ZBTB33: variants seen among roughly 807,000 people sequenced by gnomAD.
The protein encoded by ZBTB33 is transcriptional regulator Kaiso.
ZBTB33 carries 11 observed loss-of-function variants against 25.9 expected under a neutral mutation model. That is an observed-to-expected ratio of 0.42 (90% CI 0.27 to 0.70). ZBTB33 has a LOEUF of 0.70. ZBTB33 is among the 30% of genes least tolerant of loss of function. ZBTB33 has a pLI of 0.23. For missense variants in ZBTB33, 343 were observed against 501.1 expected (o/e 0.68, Z 3.01); for synonymous variants, 157 against 184.8 (o/e 0.85, Z 1.22).
Position 120,256,277 on chromosome X carries a change from A to G in ZBTB33, c.*843A>G, listed in dbSNP as rs1556015422. 1 of 123,340 alleles carries G rather than the reference A, an allele frequency of 8.1e-6. No homozygotes were observed. The highest frequency in any genetic ancestry group is 2.8e-4 in the East Asian group (1 of 3,622). 10.2% of individuals were successfully genotyped at this position (123,340 alleles called of 1,213,427 possible). ...GCTTCTTAAGGTTAAAAATATTCCCATGAACATGAAAATTTTCAAATTTTG... is the reference window on the plus strand; with the variant it reads ...GCTTCTTAAGGTTAAAAATATTCCCGTGAACATGAAAATTTTCAAATTTTG... On this transcript the variant is annotated 3_prime_UTR_variant, in exon 3 of 3. Coordinates refer to ENST00000557385, the MANE Select transcript of ZBTB33 (RefSeq NM_001184742.2).
In ZBTB33 at chrX:120,253,848, A is replaced by G; in HGVS notation, c.433A>G (p.Lys145Glu). 1.7e-6 allele frequency: 2 copies of G among 1,211,677 alleles called. No homozygotes were observed. Among genetic ancestry groups the G allele is most frequent in the South Asian group, 1.8e-5 (1 of 56,935 alleles). The change falls in exon 3 of 3, where the codon AAG (lysine) becomes GAG (glutamate). Residue 145 changes from lysine (K) to glutamate (E), a missense_variant. Coordinates refer to ENST00000557385, the MANE Select transcript of ZBTB33 (RefSeq NM_001184742.2). The part of the protein sequence containing the change: ...TEPLPPDSGD[K>E]NLVIQKSKDE... The stretch of plus-strand genomic sequence containing the variant: ...GCCTTTACCTCCTGATTCTGGTGAC[A>G]AGAACCTTGTAATACAGAAATCAAA...
Position 120,254,674 on chromosome X carries a change from C to G in ZBTB33, c.1259C>G (p.Thr420Arg). ...MEGQKIITLD[T>R]ATEIEGLSTG... The stretch of plus-strand genomic sequence containing the variant: ...GGTCAGAAGATCATTACTTTAGATA[C>G]AGCTACTGAAATTGAAGGCTTATCG... The change falls in exon 3 of 3, where the codon ACA becomes AGA. Residue 420 changes from threonine to arginine, a missense_variant. By Grantham distance (71) the Thr-to-Arg change is moderately conservative. Around this residue, in one of 2 missense-constraint regions of ZBTB33, gnomAD observed 304 missense variants for 410.0 expected, o/e 0.74. Transcript: ENST00000557385. 1 of 1,211,903 alleles carries G rather than the reference C, an allele frequency of 8.3e-7. No individual in the cohort carries two copies. Among genetic ancestry groups the G allele is most frequent in the Non-Finnish European group, 1.1e-6 (1 of 895,515 alleles).
chrX:120,258,126 C>T lies in ZBTB33; in HGVS notation c.*2692C>T, dbSNP rs1198979335. The T allele has an allele frequency of 8.1e-6, 1 of 123,154 alleles. No individual in the cohort carries two copies. The highest frequency in any genetic ancestry group is 1.9e-5 in the Non-Finnish European group (1 of 53,124). 10.1% of individuals were successfully genotyped at this position (123,154 alleles called of 1,213,427 possible). A position where few individuals can be genotyped will look rare whatever the true frequency, so the allele number is the denominator to read the frequency against. On this transcript the variant is annotated 3_prime_UTR_variant, in exon 3 of 3. Transcript: ENST00000557385. ...AAGAAATAATGCCGCATTTTTCCCCCATTGTACCAAAAAGATAAAAAAATG... is the reference window on the plus strand; with the variant it reads ...AAGAAATAATGCCGCATTTTTCCCCTATTGTACCAAAAAGATAAAAAAATG...
rs1556014842 is a variant in ZBTB33 at position 120,254,096 on chromosome X, A to G, written c.681A>G (p.Ser227=). Residue 227 remains serine (S), a synonymous_variant, in exon 3 of 3, where the codon TCA becomes TCG. Transcript: ENST00000557385. ...CTAACCCAGGCCCTGTTGCTATTTC[A>G]GATGTTGCACCTAGTGCTAGCAATA... ...VQSNPGPVAI[S]DVAPSASNNS... is the part of the protein sequence containing the mutation. 52 of 1,211,561 alleles carry G rather than the reference A, an allele frequency of 4.3e-5. No individual in the cohort carries two copies. The highest frequency in any genetic ancestry group is 5.8e-5 in the Non-Finnish European group (52 of 895,472).
chrX:120,253,353 A>C, intron 2 of ZBTB33, 61 bp from the exon 3 acceptor site: 1 of 1,000,928 alleles, frequency 1.0e-6, no homozygotes, highest in Admixed American at 3.0e-5. Flanking sequence ...TAAATTCTAA[A>C]TAAGTACTTT....
Position 120,254,016 on chromosome X carries a change from A to G in ZBTB33, c.601A>G (p.Ile201Val). 8.3e-7 allele frequency: 1 copy of G among 1,208,718 alleles called. No homozygotes were observed. The highest frequency in any genetic ancestry group is 1.1e-6 in the Non-Finnish European group (1 of 893,718). ...TGATGATGTCATTTTTTGCTCCGAG[A>G]TTCTGCCCACAAAGGAGACTTTGCC... ...DDDDVIFCSEILPTKETLPSN... is the reference protein window; with the variant it reads ...DDDDVIFCSEVLPTKETLPSN... The change falls in exon 3 of 3, where the codon ATT becomes GTT. Residue 201 changes from isoleucine (I) to valine (V), a missense_variant. Physicochemically the swap from Ile to Val is conservative, Grantham distance 29. Transcript: ENST00000557385.
At position 120,254,478 on chromosome X, in the gene ZBTB33, T is replaced by C. The variant is rs2057623421; in HGVS notation, c.1063T>C (p.Leu355=). 27 of 1,211,817 alleles carry C rather than the reference T, an allele frequency of 2.2e-5. No individual in the cohort carries two copies. The East Asian group carries it at 7.7e-4, about 34-fold the overall frequency. ...TGACTCGGCCGTCAGTAATACATCT[T>C]TGGTCCCACAGGCTGATACCTCCCA... The part of the protein sequence containing the change: ...SPDSAVSNTS[L]VPQADTSQNT... The change falls in exon 3 of 3, where the codon TTG becomes CTG. Residue 355 remains leucine, a synonymous_variant. Transcript: ENST00000557385.
chrX:120,251,415 C>T, intron 1 of ZBTB33, among the ~76,000 whole-genome samples: 1 of 110,768 alleles, frequency 9.0e-6, no homozygotes, highest in East Asian at 2.9e-4. Context: ...CCCAACACCC[C>T]ACCCTGCCGT....
In ZBTB33 at chrX:120,254,699, G is replaced by C. The variant is rs781824519; in HGVS notation, c.1284G>C (p.Ser428=). ...LDTATEIEGL[S]TGCKVYANIG... Reference sequence around the variant, plus strand: ...CAGCTACTGAAATTGAAGGCTTATCGACTGGTTGCAAGGTTTATGCAAATA... The same window carrying C: ...CAGCTACTGAAATTGAAGGCTTATCCACTGGTTGCAAGGTTTATGCAAATA... Residue 428 remains serine (S), a synonymous_variant, in exon 3 of 3, where the codon TCG becomes TCC. Coordinates refer to ENST00000557385, the MANE Select transcript of ZBTB33 (RefSeq NM_001184742.2). 8.3e-7 allele frequency: 1 copy of C among 1,210,238 alleles called. No homozygotes were observed. The highest frequency in any genetic ancestry group is 1.8e-5 in the South Asian group (1 of 56,807).
At position 120,255,243 on chromosome X, in the gene ZBTB33, A is replaced by G. The variant is rs908747165; in HGVS notation, c.1828A>G (p.Met610Val). The change falls in exon 3 of 3, where the codon ATG becomes GTG. Residue 610 changes from methionine to valine, a missense_variant. Met to Val is a conservative substitution (Grantham distance 21). Transcript: ENST00000557385. Reference sequence around the variant, plus strand: ...CGATAGATCAAGCACTATTCCTGCAATGAAGGATGATGGTATTGGGTATAA... The same window carrying G: ...CGATAGATCAAGCACTATTCCTGCAGTGAAGGATGATGGTATTGGGTATAA... The part of the protein sequence containing the change: ...LSDRSSTIPA[M>V]KDDGIGYKVD... 8.3e-7 allele frequency: 1 copy of G among 1,211,950 alleles called. No homozygotes were observed. Among genetic ancestry groups the G allele is most frequent in the African/African-American group, 1.7e-5 (1 of 57,806 alleles).
At chrX:120,253,334 G>A in intron 2 of ZBTB33, 80 bp from the exon 3 acceptor site, 3 of 910,396 alleles carry the variant, frequency 3.3e-6, no homozygotes, top group Non-Finnish European at 4.5e-6. Flanking sequence ...ATTTAATGAT[G>A]CTACTGCTTA....
At position 120,254,835 on chromosome X, in the gene ZBTB33, A is replaced by G; in HGVS notation, c.1420A>G (p.Lys474Glu). 8.3e-7 allele frequency: 1 copy of G among 1,212,106 alleles called. No homozygotes were observed. Among genetic ancestry groups the G allele is most frequent in the Non-Finnish European group, 1.1e-6 (1 of 895,595 alleles). ...AACGTCTGGCAGCGAGATGGCAAAC[A>G]AACGTATGAAAGTAAAACATGATGA... ...PKTSGSEMAN[K>E]RMKVKHDDHY... The change falls in exon 3 of 3, where the codon AAA (lysine) becomes GAA (glutamate). Residue 474 changes from lysine (K) to glutamate (E), a missense_variant. Physicochemically the swap from Lys to Glu is moderately conservative, Grantham distance 56. Coordinates refer to ENST00000557385, the MANE Select transcript of ZBTB33 (RefSeq NM_001184742.2).
intron 1 of ZBTB33, among the ~76,000 whole-genome samples, chrX:120,251,566 A>G (rs2057600411): frequency 9.0e-6 from 1 of 111,238 alleles, no homozygotes; most frequent in African/African-American, 3.3e-5. Context: ...CAGGGTCCAT[A>G]TGGGGAAGAG....
rs1183074099 is a variant in ZBTB33 at position 120,256,373 on chromosome X, T to G, written c.*939T>G. 8.1e-6 allele frequency: 1 copy of G among 122,855 alleles called. No individual in the cohort carries two copies. Among genetic ancestry groups the G allele is most frequent in the African/African-American group, 3.3e-5 (1 of 30,739 alleles). The allele number at this position is 122,855 out of a possible 1,213,427, so 10.1% of individuals were successfully genotyped here. ...ATGATAGATTCCATGGGTGAGACTT[T>G]ACATATTTTGGGTGGGAGGCTACTG... On this transcript the variant is annotated 3_prime_UTR_variant, in exon 3 of 3. Transcript: ENST00000557385.
chrX:120,253,297 G>T (rs996777706), intron 2 of ZBTB33, 117 bp from the exon 3 acceptor site: 134 of 776,801 alleles, frequency 1.7e-4, no homozygotes, highest in African/African-American at 1.2e-3. Context: ...AAATTATGCT[G>T]AACTTTGGTT....
chrX:120,254,401 A>G lies in ZBTB33; in HGVS notation c.986A>G (p.Glu329Gly). The change falls in exon 3 of 3, where the codon GAG (glutamate) becomes GGG (glycine). Residue 329 changes from glutamate (E) to glycine (G), a missense_variant. By Grantham distance (98) the Glu-to-Gly change is moderately conservative. This residue lies in a region of ZBTB33 where 304 missense variants were observed against 410.0 expected (regional missense o/e 0.74). Transcript: ENST00000557385. ...AILTGNKANEEEEEEIIDDDD... is the reference protein window; with the variant it reads ...AILTGNKANEGEEEEIIDDDD... Reference sequence around the variant, plus strand: ...TTAACAGGAAACAAGGCCAATGAAGAGGAGGAGGAGGAAATAATAGATGAT... The same window carrying G: ...TTAACAGGAAACAAGGCCAATGAAGGGGAGGAGGAGGAAATAATAGATGAT... 3 of 1,209,805 alleles carry G rather than the reference A, an allele frequency of 2.5e-6. No homozygotes were observed. The highest frequency in any genetic ancestry group is 3.4e-6 in the Non-Finnish European group (3 of 894,135).
rs782378963 is a variant in ZBTB33 at position 120,254,993 on chromosome X, C to T, written c.1578C>T (p.Tyr526=). ...GGGAGAAGAAGTATCCGTGCCGTTA[C>T]TGTGAGAAGGTATTTCCTCTTGCAG... ...HSWEKKYPCR[Y]CEKVFPLAEY... The change falls in exon 3 of 3, where the codon TAC becomes TAT. Residue 526 remains tyrosine (Y), a synonymous_variant. Coordinates refer to ENST00000557385, the MANE Select transcript of ZBTB33 (RefSeq NM_001184742.2). The T allele has an allele frequency of 3.3e-6, 4 of 1,212,006 alleles. No individual in the cohort carries two copies. The South Asian group carries it at 7.0e-5, about 21-fold the overall frequency.
chrX:120,255,294 G>T lies in ZBTB33; in HGVS notation c.1879G>T (p.Val627Leu), dbSNP rs2057630898. The stretch of plus-strand genomic sequence containing the variant: ...GGTTGACACTGGAAAAGAACCTCCA[G>T]TAGGGACCACTACATCTACTCAGAA... ...YKVDTGKEPP[V>L]GTTTSTQNKP... Residue 627 changes from valine (V) to leucine (L), a missense_variant, in exon 3 of 3, where the codon GTA becomes TTA. By Grantham distance (32) the Val-to-Leu change is conservative. Coordinates refer to ENST00000557385, the MANE Select transcript of ZBTB33 (RefSeq NM_001184742.2). The T allele has an allele frequency of 8.3e-7, 1 of 1,211,879 alleles. No individual in the cohort carries two copies. The highest frequency in any genetic ancestry group is 1.1e-6 in the Non-Finnish European group (1 of 895,391).
Position 120,254,242 on chromosome X carries a change from T to G in ZBTB33, c.827T>G (p.Leu276Arg), listed in dbSNP as rs782140589. ...KLLVSSAPTH[L>R]TPNIILLNQT... ...TTGGTATCTTCAGCTCCAACACATCTGACTCCCAATATTATTTTGTTAAAT... is the reference window on the plus strand; with the variant it reads ...TTGGTATCTTCAGCTCCAACACATCGGACTCCCAATATTATTTTGTTAAAT... The change falls in exon 3 of 3, where the codon CTG (leucine) becomes CGG (arginine). Residue 276 changes from leucine to arginine, a missense_variant. This residue lies in a region of ZBTB33 where 304 missense variants were observed against 410.0 expected (regional missense o/e 0.74). Transcript: ENST00000557385. 1 of 1,210,462 alleles carries G rather than the reference T, an allele frequency of 8.3e-7. No individual in the cohort carries two copies. Among genetic ancestry groups the G allele is most frequent in the African/African-American group, 1.7e-5 (1 of 57,231 alleles).
Sources: allele counts gnomAD v4.1 joint callset (sites outside exome capture counted in the v4.1 genomes callset), GRCh38; gene constraint gnomAD v4.1.1; regional missense constraint gnomAD v4.1.1; transcripts MANE v1.5; gene names NCBI Gene and HGNC (gene_info 2026-07-23, HGNC 2026-07-21).